Variants in DLG2 observed in about 807,000 individuals in gnomAD.
DLG2 encodes the protein disks large homolog 2.
DLG2 carries 45 observed loss-of-function variants against 132.5 expected under a neutral mutation model. The ratio of observed to expected loss-of-function variants is 0.34; its 90% CI spans 0.27 to 0.44. The LOEUF is 0.44. Among genes scored for constraint, DLG2 ranks in the 20% least tolerant of loss-of-function variants. The probability of loss-of-function intolerance (pLI) is 1.00; values close to 1 mark genes in which losing one functional copy is unlikely to be tolerated. For missense variants in DLG2, 1,045 were observed against 1,196.9 expected (o/e 0.87, Z 1.87); for synonymous variants, 424 against 419.6 (o/e 1.01, Z -0.13).
chr11:84,408,199 C>T (rs185592936), intron 7 of DLG2, among the ~76,000 whole-genome samples: 21 of 152,160 alleles, frequency 1.4e-4, no homozygotes, highest in African/African-American at 3.6e-4. Context: ...AATCAACCAA[C>T]GGGGGCAGAA....
chr11:83,920,090 C>T (rs1225799169), intron 15 of DLG2, among the ~76,000 whole-genome samples: 7 of 152,230 alleles, frequency 4.6e-5, no homozygotes, highest in African/African-American at 4.8e-5. Flanking sequence ...GGGGAGCCTT[C>T]GTAAAATTTG....
At chr11:84,810,485 A>G (rs528532858) in intron 6 of DLG2, among the ~76,000 whole-genome samples, 46 of 152,286 alleles carry the variant, frequency 3.0e-4, no homozygotes, top group Admixed American at 1.0e-3. Flanking sequence ...ATATGACAGC[A>G]ATTGCTATTT....
At chr11:84,503,856 C>T (rs1229440447) in intron 7 of DLG2, among the ~76,000 whole-genome samples, 10 of 152,134 alleles carry the variant, frequency 6.6e-5, no homozygotes, top group East Asian at 1.9e-4. Context: ...ATTTGAATGA[C>T]GACTTTACAT....
At chr11:84,163,636 T>A in intron 8 of DLG2, 125 bp from the exon 9 acceptor site, 1 of 727,934 alleles carries the variant, frequency 1.4e-6, no homozygotes, top group Non-Finnish European at 2.2e-6. Context: ...ATTTTCTTGA[T>A]ATTTCTGATT....
chr11:83,614,250 TCTAA>T (rs1239294594), intron 19 of DLG2, among the ~76,000 whole-genome samples: 1 of 152,194 alleles, frequency 6.6e-6, no homozygotes, highest in Non-Finnish European at 1.5e-5. Context: ...CTTGGACATG[TCTAA>T]CTGTCTGCAA....
At chr11:85,123,641 C>T (rs764560883) in intron 5 of DLG2, among the ~76,000 whole-genome samples, 8 of 152,266 alleles carry the variant, frequency 5.3e-5, no homozygotes, top group Non-Finnish European at 1.2e-4. Context: ...CGGGAACTTT[C>T]GGCTTAAATT....
chr11:84,705,265 G>C (rs1596122765), intron 6 of DLG2, among the ~76,000 whole-genome samples: 1 of 151,810 alleles, frequency 6.6e-6, no homozygotes. Context: ...ATTTTCCAGA[G>C]ATTTCCTTCC....
chr11:84,420,947 C>T (rs932085807), intron 7 of DLG2, among the ~76,000 whole-genome samples: 4 of 152,036 alleles, frequency 2.6e-5, no homozygotes, highest in African/African-American at 9.7e-5. Context: ...GGATTACAGG[C>T]GTGAGCCACC....
At chr11:85,111,876 C>T in intron 5 of DLG2, 141 bp from the exon 6 acceptor site, 1 of 579,536 alleles carries the variant, frequency 1.7e-6, no homozygotes, top group Non-Finnish European at 2.8e-6. Flanking sequence ...TGCAATGCTG[C>T]AGAAAACTAG....
chr11:85,315,661 C>T (rs1402277244), intron 3 of DLG2, among the ~76,000 whole-genome samples: 1 of 152,008 alleles, frequency 6.6e-6, no homozygotes, highest in Non-Finnish European at 1.5e-5. Flanking sequence ...AGACAGGACA[C>T]CTGTTAAGGC....
chr11:83,655,003 A>G (rs1345825349), intron 18 of DLG2, among the ~76,000 whole-genome samples: 2 of 152,186 alleles, frequency 1.3e-5, no homozygotes, highest in Non-Finnish European at 2.9e-5. Flanking sequence ...AGCCCATGTG[A>G]GAATGAATGG....
chr11:83,974,009 G>T (rs1317284987), intron 12 of DLG2, among the ~76,000 whole-genome samples: 9 of 152,076 alleles, frequency 5.9e-5, no homozygotes, highest in African/African-American at 2.2e-4. Flanking sequence ...AGTAATGACT[G>T]TCCTAACTAC....
chr11:84,448,780 A>G (rs913215516), intron 7 of DLG2, among the ~76,000 whole-genome samples: 4 of 152,068 alleles, frequency 2.6e-5, no homozygotes, highest in Admixed American at 2.6e-4. Context: ...CCGAACGCCT[A>G]TGAAACACTC....
chr11:84,619,722 T>A (rs1337622123), intron 6 of DLG2, among the ~76,000 whole-genome samples: 1 of 151,536 alleles, frequency 6.6e-6, no homozygotes, highest in Non-Finnish European at 1.5e-5. Flanking sequence ...GATAAAAAAA[T>A]TCTCGAAAGT....
chr11:83,883,495 T>C (rs896735688), intron 15 of DLG2, among the ~76,000 whole-genome samples: 1 of 152,282 alleles, frequency 6.6e-6, no homozygotes, highest in Middle Eastern at 3.4e-3. Context: ...TCATCACTGT[T>C]AGGTAGCTGA....
At chr11:83,948,268 T>A in intron 14 of DLG2, among the ~76,000 whole-genome samples, 1 of 152,308 alleles carries the variant, frequency 6.6e-6, no homozygotes, top group East Asian at 1.9e-4. Flanking sequence ...TACTTCAAGG[T>A]CAATCCAATT....
At chr11:83,720,314 A>AG (rs1566691892) in intron 18 of DLG2, among the ~76,000 whole-genome samples, 1 of 144,720 alleles carries the variant, frequency 6.9e-6, no homozygotes, top group Non-Finnish European at 1.5e-5. Context: ...AAAAAAAAAA[A>AG]AAAAAAAAAA....
intron 11 of DLG2, among the ~76,000 whole-genome samples, chr11:84,012,238 C>T (rs1349053422): frequency 6.6e-6 from 1 of 152,084 alleles, no homozygotes; most frequent in Non-Finnish European, 1.5e-5. Flanking sequence ...GTTATTGTTT[C>T]TCTGGTCTCA....
intron 3 of DLG2, among the ~76,000 whole-genome samples, chr11:85,551,179 C>T (rs1017194615): frequency 1.3e-5 from 2 of 152,148 alleles, no homozygotes; most frequent in Admixed American, 1.3e-4. Flanking sequence ...TTGAGATAGA[C>T]AACATCATCT....
Sources: allele counts gnomAD v4.1 joint callset (sites outside exome capture counted in the v4.1 genomes callset), GRCh38; gene constraint gnomAD v4.1.1; transcripts MANE v1.5; gene names NCBI Gene and HGNC (gene_info 2026-07-23, HGNC 2026-07-21).